Variants in BRAP observed in about 807,000 individuals in gnomAD.
BRAP encodes the protein BRCA1-associated protein.
Under a neutral mutation model 73.4 loss-of-function variants are expected in BRAP, and 42 were observed. The observed-to-expected ratio is 0.57, with a 90% CI of 0.45 to 0.74. The LOEUF (loss-of-function observed/expected upper bound fraction) is 0.74, where lower values mean the gene tolerates loss of function less well. Ranked by LOEUF, BRAP falls within the 30% of genes least tolerant of loss-of-function variation. BRAP has a pLI of 0.00. For missense variants in BRAP, 593 were observed against 751.4 expected, an observed-to-expected ratio of 0.79 and a Z score of 2.46; for synonymous variants, 255 against 267.4, an observed-to-expected ratio of 0.95 and a Z score of 0.45.
At chr12:111,670,532 T>G (rs774747210) in intron 5 of BRAP, among the ~76,000 whole-genome samples, 1 of 152,212 alleles carries the variant, frequency 6.6e-6, no homozygotes. Context: ...CTTGTTCTGT[T>G]GCCCAGGCTA....
intron 5 of BRAP, chr12:111,669,755 AG>A (rs1887096243): frequency 1.6e-5 from 5 of 318,876 alleles, no homozygotes; most frequent in Non-Finnish European, 3.0e-5. Flanking sequence ...AGAAAAAAAA[AG>A]TGGCTCCAAA....
At chr12:111,685,663 C>A (rs1887796726) in intron 1 of BRAP, 48 bp downstream of exon 1, 1 of 1,567,168 alleles carries the variant, frequency 6.4e-7, no homozygotes, top group African/African-American at 1.4e-5. Context: ...GGAAGCCCTC[C>A]GGGCCCAGAC....
At chr12:111,681,931 T>A in intron 2 of BRAP, 96 bp from the exon 3 acceptor site, 1 of 1,173,808 alleles carries the variant, frequency 8.5e-7, no homozygotes, top group Admixed American at 2.8e-5. Flanking sequence ...GAATAAACTT[T>A]GATAGAGTAA....
At chr12:111,683,709 T>A (rs1183759473) in intron 1 of BRAP, among the ~76,000 whole-genome samples, 1 of 152,002 alleles carries the variant, frequency 6.6e-6, no homozygotes, top group Non-Finnish European at 1.5e-5. Flanking sequence ...CCCAGCTAAT[T>A]TTTGTACTTT....
chr12:111,684,341 T>C (rs1887715989), intron 1 of BRAP, among the ~76,000 whole-genome samples: 1 of 152,224 alleles, frequency 6.6e-6, no homozygotes, highest in African/African-American at 2.4e-5. Flanking sequence ...GAAGCCACTT[T>C]TAGCCTTTGG....
Position 111,685,954 on chromosome 12 carries a change from A to C in BRAP, c.-162T>G, listed in dbSNP as rs576168995. The C allele has an allele frequency of 8.2e-4, 331 of 404,948 alleles. 1 individual carries two copies. In the East Asian group the frequency reaches 0.013, roughly 16 times the overall value. The allele number at this position is 404,948 out of a possible 1,614,324, so 25.1% of individuals were successfully genotyped here. The stretch of plus-strand genomic sequence containing the variant: ...CTCGAACAGCCCTCGGAGCCACAAC[A>C]ACCTCCACTTCCGCCTCCCGGCCGC... On this transcript the variant is annotated 5_prime_UTR_variant, in exon 1 of 12. Transcript: ENST00000419234.
rs1318312651 is a variant in BRAP at position 111,665,450 on chromosome 12, G to A, written c.896+189C>T. ...CTTTGGGGAATTCCACAAGGGTTCA[G>A]AATCAGCATACTAAAAAAGGACTTG... On this transcript the variant is annotated intron_variant, in intron 6 of 11. Transcript: ENST00000419234. The surrounding 1 kb of genome is among the most constrained non-coding windows in gnomAD (Gnocchi z 4.3). 2.6e-5 allele frequency among the ~76,000 whole-genome samples: 4 copies of A among 152,068 alleles called. No homozygotes were observed. The highest frequency in any genetic ancestry group is 9.7e-5 in the African/African-American group (4 of 41,396).
rs748828361 is a variant in BRAP, at chr12:111,685,833, C to A, written c.-41G>T. 421 of 1,407,198 alleles carry A rather than the reference C, an allele frequency of 3.0e-4. No homozygotes were observed. The highest frequency in any genetic ancestry group is 3.8e-4 in the Non-Finnish European group (406 of 1,071,528). 87.2% of individuals were successfully genotyped at this position (1,407,198 alleles called of 1,614,324 possible). ...CGGCGCGGGCCCCGGCGGGCTCAGG[C>A]GAGGCTGGAAGGCGAGCCGAGAGGC... On this transcript the variant is annotated 5_prime_UTR_variant, in exon 1 of 12. Transcript: ENST00000419234.
intron 3 of BRAP, among the ~76,000 whole-genome samples, chr12:111,680,007 G>T (rs58392657): frequency 2.0e-5 from 3 of 147,558 alleles, no homozygotes; most frequent in Non-Finnish European, 4.5e-5. Context: ...TTTTTTTTCA[G>T]AGTCTTGCTG....
At chr12:111,677,405 G>C (rs746157967) in intron 4 of BRAP, among the ~76,000 whole-genome samples, 1 of 152,248 alleles carries the variant, frequency 6.6e-6, no homozygotes, top group Non-Finnish European at 1.5e-5. Flanking sequence ...GAAGAGGAAC[G>C]CGTCCCTGGA....
intron 5 of BRAP, 119 bp downstream of exon 5, chr12:111,672,542 C>A: frequency 1.2e-6 from 1 of 808,906 alleles, no homozygotes. Context: ...CTGATAACCA[C>A]CAGTCTACTT....
At chr12:111,670,676 A>C (rs1039538177) in intron 5 of BRAP, among the ~76,000 whole-genome samples, 6 of 152,182 alleles carry the variant, frequency 3.9e-5, no homozygotes, top group Non-Finnish European at 8.8e-5. Context: ...TATTTAGTAG[A>C]GATGAGTTTC....
intron 9 of BRAP, among the ~76,000 whole-genome samples, chr12:111,658,224 A>G (rs1886604296): frequency 6.7e-6 from 1 of 150,214 alleles, no homozygotes; most frequent in Non-Finnish European, 1.5e-5. Flanking sequence ...GAGCCACTGC[A>G]CCCAGCTGAC....
intron 3 of BRAP, among the ~76,000 whole-genome samples, chr12:111,679,876 C>CAAAAA (rs398044813): frequency 1.4e-5 from 1 of 72,090 alleles, no homozygotes; most frequent in Non-Finnish European, 2.5e-5. Context: ...GACTCCATCT[C>CAAAAA]AAAAAAAAAA....
At chr12:111,647,843 C>G (rs974621694) in intron 11 of BRAP, among the ~76,000 whole-genome samples, 8 of 146,396 alleles carry the variant, frequency 5.5e-5, no homozygotes, top group Non-Finnish European at 1.1e-4. Flanking sequence ...TGCAGTGAGC[C>G]GAGATCACAC....
At chr12:111,681,876 A>C in intron 2 of BRAP, 41 bp from the exon 3 acceptor site, 1 of 1,532,660 alleles carries the variant, frequency 6.5e-7, no homozygotes, top group Non-Finnish European at 8.8e-7. Flanking sequence ...AATGGATAGG[A>C]CATATGCTGA....
chr12:111,671,501 G>T (rs1887168628), intron 5 of BRAP, among the ~76,000 whole-genome samples: 1 of 152,034 alleles, frequency 6.6e-6, no homozygotes, highest in African/African-American at 2.4e-5. Flanking sequence ...AGTGAGCCAA[G>T]AGAGTGCCAC....
In BRAP at chr12:111,660,648, C is replaced by A. The variant is rs748639013; in HGVS notation, c.924G>T (p.Thr308=). 10 of 1,607,422 alleles carry A rather than the reference C, an allele frequency of 6.2e-6. No individual in the cohort carries two copies. Among genetic ancestry groups the A allele is most frequent in the Non-Finnish European group, 8.5e-6 (10 of 1,176,686 alleles). ...ACTTATTTTCTTCTACTGGCTCGGG[C>A]GTTTGACAGTACCGGCAAACAGGAC... ...TTCPVCRYCQ[T]PEPVEENKCF... The change falls in exon 7 of 12, where the codon ACG becomes ACT. Residue 308 remains threonine (T), a synonymous_variant. Transcript: ENST00000419234.
intron 1 of BRAP, chr12:111,685,458 G>A (rs1887782797): frequency 7.6e-6 from 6 of 793,870 alleles, no homozygotes; most frequent in Middle Eastern, 4.5e-4. Context: ...ATCTCGAGAG[G>A]GAGACGCGCC....
Sources: allele counts gnomAD v4.1 joint callset (sites outside exome capture counted in the v4.1 genomes callset), GRCh38; gene constraint gnomAD v4.1.1; non-coding constraint Gnocchi (gnomAD v3.1); transcripts MANE v1.5; gene names NCBI Gene and HGNC (gene_info 2026-07-23, HGNC 2026-07-21).